The following DNAH5 variants were observed in gnomAD, a reference collection of about 807,000 sequenced individuals.
DNAH5 encodes the protein axonemal beta dynein heavy chain 5.
Under a neutral mutation model 518.2 loss-of-function variants are expected in DNAH5, and 372 were observed. The ratio of observed to expected loss-of-function variants is 0.72; its 90% confidence interval spans 0.66 to 0.78. DNAH5 has a LOEUF of 0.78. DNAH5 is among the 30% of genes least tolerant of loss of function. The pLI is 0.00. For missense variants in DNAH5, 5,523 were observed against 5,687.0 expected (o/e 0.97, Z 0.93); for synonymous variants, 2,039 against 2,025.9 (o/e 1.01, Z -0.17).
intron 25 of DNAH5, 105 bp from the exon 26 acceptor site, chr5:13,866,387 GA>G (rs1386293870): frequency 2.2e-6 from 2 of 892,680 alleles, no homozygotes; most frequent in Non-Finnish European, 3.4e-6. Context: ...TGCATGATAG[GA>G]AACTTCATTT....
At chr5:13,795,470 G>C (rs1244773236) in intron 47 of DNAH5, among the ~76,000 whole-genome samples, 2 of 152,088 alleles carry the variant, frequency 1.3e-5, no homozygotes. Flanking sequence ...TAAATTCCTG[G>C]ACACATACAC....
rs1406880003 is a variant in DNAH5, at chr5:13,708,246, G to A, written c.13215C>T (p.Ser4405=). Residue 4405 remains serine (S), a synonymous_variant, in exon 76 of 79, where the codon AGC becomes AGT. Transcript: ENST00000265104. The part of the protein sequence containing the change: ...QEIDRMQRVL[S]LVRSTLTELK... ...GCTCAGTGAGGGTGCTGCGGACAAG[G>A]CTGAGTACCCTTTGCATTCTGTCTA... 1 of 1,614,058 alleles carries A rather than the reference G, an allele frequency of 6.2e-7. No individual in the cohort carries two copies. The highest frequency in any genetic ancestry group is 2.2e-5 in the East Asian group (1 of 44,900).
chr5:14,000,853 T>C (rs1291122370), intron 1 of DNAH5, among the ~76,000 whole-genome samples: 1 of 152,202 alleles, frequency 6.6e-6, no homozygotes, highest in South Asian at 2.1e-4. Context: ...GTATGTTCAT[T>C]GCAGCACGGA....
At chr5:13,833,442 C>CCAAA (rs1763959308) in intron 35 of DNAH5, among the ~76,000 whole-genome samples, 1 of 119,586 alleles carries the variant, frequency 8.4e-6, no homozygotes, top group Admixed American at 8.7e-5. Flanking sequence ...GACTCCTTCC[C>CCAAA]AAAAAAAAAA....
At chr5:13,734,880 C>T (rs1364043315) in intron 68 of DNAH5, among the ~76,000 whole-genome samples, 1 of 152,092 alleles carries the variant, frequency 6.6e-6, no homozygotes, top group East Asian at 1.9e-4. Context: ...TGTACCCTCC[C>T]TAAATCTATA....
intron 58 of DNAH5, 95 bp from the exon 59 acceptor site, chr5:13,766,274 A>G (rs1412025011): frequency 4.3e-6 from 6 of 1,387,598 alleles, no homozygotes; most frequent in Non-Finnish European, 6.1e-6. Context: ...AACAGAGGAC[A>G]GAAAACTGTT....
chr5:13,765,939 G>A, intron 59 of DNAH5, 37 bp downstream of exon 59: 3 of 1,590,172 alleles, frequency 1.9e-6, no homozygotes, highest in Non-Finnish European at 1.7e-6. Flanking sequence ...AGTGAAGAAT[G>A]AGTTCCCTCT....
At chr5:13,703,958 T>C (rs1313627380) in intron 76 of DNAH5, among the ~76,000 whole-genome samples, 1 of 152,174 alleles carries the variant, frequency 6.6e-6, no homozygotes, top group Non-Finnish European at 1.5e-5. Flanking sequence ...TGGGGTGCCT[T>C]GTCCATCTCC....
intron 61 of DNAH5, among the ~76,000 whole-genome samples, chr5:13,757,475 A>G (rs985598515): frequency 6.6e-6 from 1 of 152,182 alleles, no homozygotes; most frequent in African/African-American, 2.4e-5. Context: ...GCTTGTTTTC[A>G]TATGATTGTT....
chr5:13,910,491 C>A (rs4484428), intron 12 of DNAH5, among the ~76,000 whole-genome samples: 59,055 of 151,994 alleles, frequency 0.39, 12,310 homozygotes, highest in African/African-American at 0.55. Flanking sequence ...CTTTGAAGTG[C>A]ACAAATTTAA....
chr5:13,954,384 G>A (rs770030305), intron 1 of DNAH5, among the ~76,000 whole-genome samples: 1 of 152,152 alleles, frequency 6.6e-6, no homozygotes, highest in Non-Finnish European at 1.5e-5. Context: ...GTCGACACGT[G>A]GAAAATATAC....
At chr5:13,966,911 G>T (rs1312851308) in intron 1 of DNAH5, among the ~76,000 whole-genome samples, 2 of 152,114 alleles carry the variant, frequency 1.3e-5, no homozygotes, top group Non-Finnish European at 2.9e-5. Context: ...GCCCAGGCTG[G>T]AGTGCAGTGG....
intron 61 of DNAH5, among the ~76,000 whole-genome samples, chr5:13,756,031 G>C (rs750802969): frequency 2.6e-5 from 4 of 152,140 alleles, no homozygotes; most frequent in Non-Finnish European, 5.9e-5. Context: ...GGACTTACTG[G>C]GTTCCCTGAG....
At chr5:13,913,590 A>C (rs1314594460) in intron 11 of DNAH5, among the ~76,000 whole-genome samples, 153 bp downstream of exon 11, 1 of 152,086 alleles carries the variant, frequency 6.6e-6, no homozygotes, top group Admixed American at 6.6e-5. Flanking sequence ...TTCTCAAACA[A>C]ATCTAATTTC....
chr5:13,839,691 T>C lies in DNAH5; in HGVS notation c.5710-163A>G, dbSNP rs1395402682. Among the ~76,000 whole-genome samples, 24 of 152,218 alleles carry C rather than the reference T, an allele frequency of 1.6e-4. 1 individual carries two copies. The highest frequency in any genetic ancestry group is 1.5e-5 in the Non-Finnish European group (1 of 68,030). ...TATCACCAGCCAAGCTATTCATTTA[T>C]TGATCAGTAAAAAAGAAACTAGAAG... On this transcript the variant is annotated intron_variant, in intron 34 of 78. Coordinates refer to ENST00000265104, the MANE Select transcript of DNAH5 (RefSeq NM_001369.3).
At chr5:13,721,944 A>T (rs39828) in intron 70 of DNAH5, among the ~76,000 whole-genome samples, 60,733 of 152,130 alleles carry the variant, frequency 0.4, 12,224 homozygotes, top group South Asian at 0.45. Flanking sequence ...GGTATTGTGA[A>T]TATGATCCTT....
chr5:13,766,183 G>T lies in DNAH5; in HGVS notation c.9898-4C>A. ...CGATGTCCGAAGGCCTGATGGTCTGGGGGATGAAAGGAACGATCACCCAAC... is the reference window on the plus strand; with the variant it reads ...CGATGTCCGAAGGCCTGATGGTCTGTGGGATGAAAGGAACGATCACCCAAC... On this transcript the variant is annotated splice_polypyrimidine_tract_variant and splice_region_variant and intron_variant, in intron 58 of 78. Coordinates refer to ENST00000265104, the MANE Select transcript of DNAH5 (RefSeq NM_001369.3). The T allele has an allele frequency of 6.2e-7, 1 of 1,614,120 alleles. No homozygotes were observed. Among genetic ancestry groups the T allele is most frequent in the Non-Finnish European group, 8.5e-7 (1 of 1,179,984 alleles).
intron 1 of DNAH5, among the ~76,000 whole-genome samples, chr5:13,982,180 G>A (rs76062400): frequency 0.028 from 4,199 of 152,320 alleles, 80 homozygotes; most frequent in South Asian, 0.047. Flanking sequence ...TTCTCTTATC[G>A]TATGACAATA....
chr5:13,978,268 TC>T (rs1782419352), intron 1 of DNAH5, among the ~76,000 whole-genome samples: 2 of 152,226 alleles, frequency 1.3e-5, no homozygotes, highest in East Asian at 3.8e-4. Context: ...GAAGCACTAC[TC>T]TAGATGCTGC....
Sources: gnomAD v4.1 joint callset for allele counts (sites outside exome capture counted in the v4.1 genomes callset) on GRCh38, gnomAD v4.1.1 for gene constraint, MANE v1.5 for transcripts, NCBI Gene and HGNC (gene_info 2026-07-23, HGNC 2026-07-21) for gene names.